TLR8: variants seen among roughly 807,000 people sequenced by gnomAD.
TLR8 encodes the protein toll-like receptor 8.
TLR8 carries 5 observed loss-of-function variants against 18.5 expected under a neutral mutation model. The ratio of observed to expected loss-of-function variants is 0.27; its 90% CI spans 0.14 to 0.57. The LOEUF (loss-of-function observed/expected upper bound fraction) is 0.57. TLR8 is among the 20% of genes least tolerant of loss of function. TLR8 has a pLI of 0.92. For synonymous variants in TLR8, 299 were observed against 300.1 expected, an observed-to-expected ratio of 1.00 and a Z score of 0.04; for missense variants, 543 against 769.8, an observed-to-expected ratio of 0.71 and a Z score of 3.49.
intron 1 of TLR8, among the ~76,000 whole-genome samples, chrX:12,907,341 C>T (rs1569113649): frequency 8.9e-6 from 1 of 112,102 alleles, no homozygotes; most frequent in Non-Finnish European, 1.9e-5. Context: ...GCAGGTGGTC[C>T]GTTTTTGTTA....
chrX:12,919,424 G>A lies in TLR8; in HGVS notation c.384G>A (p.Arg128=), dbSNP rs1398606119. The A allele has an allele frequency of 2.5e-6, 3 of 1,210,873 alleles. No homozygotes were observed. The highest frequency in any genetic ancestry group is 3.5e-5 in the South Asian group (2 of 56,802). ...DGAFLNLKNL[R]ELLLEDNQLP... ...CATTCCTCAACCTAAAAAACCTAAG[G>A]GAGTTACTGCTTGAAGACAACCAGT... is the stretch of plus-strand genomic sequence containing the variant. Residue 128 remains arginine, a synonymous_variant, in exon 2 of 2, where the codon AGG becomes AGA. Transcript: ENST00000218032.
At chrX:12,910,924 AGAG>A (rs1332488601) in intron 1 of TLR8, among the ~76,000 whole-genome samples, 1 of 111,419 alleles carries the variant, frequency 9.0e-6, no homozygotes, top group Non-Finnish European at 1.9e-5. Flanking sequence ...TTTGGCAGGG[AGAG>A]GAGAAGTTGG....
chrX:12,920,400 C>T lies in TLR8; in HGVS notation c.1360C>T (p.Arg454Ter). 8.3e-7 allele frequency: 1 copy of T among 1,208,292 alleles called. No homozygotes were observed. Among genetic ancestry groups the T allele is most frequent in the Non-Finnish European group, 1.1e-6 (1 of 894,001 alleles). The stretch of plus-strand genomic sequence containing the variant: ...CTCTTTTCAACGTCATATCCGGAAA[C>T]GACGCTCAACAGATTTTGAGTTTGA... ...SSSFQRHIRK[R>*]RSTDFEFDPH... Residue 454 changes from arginine (R) to a stop codon, truncating the protein, a stop_gained, in exon 2 of 2, where the codon CGA (arginine) becomes TGA (stop). Coordinates refer to ENST00000218032, the MANE Select transcript of TLR8 (RefSeq NM_138636.5). LOFTEE classifies it low-confidence loss of function (END_TRUNC).
At chrX:12,918,040 T>C (rs1365769929) in intron 1 of TLR8, among the ~76,000 whole-genome samples, 2 of 112,207 alleles carry the variant, frequency 1.8e-5, no homozygotes, top group African/African-American at 6.5e-5. Flanking sequence ...AAAATATAAA[T>C]AATAAGAGGA....
At chrX:12,918,454 G>A (rs940426860) in intron 1 of TLR8, among the ~76,000 whole-genome samples, 4 of 111,852 alleles carry the variant, frequency 3.6e-5, no homozygotes, top group Non-Finnish European at 7.5e-5. Flanking sequence ...TGGTGGTGGA[G>A]TATCTTGATT....
In TLR8 at chrX:12,922,148, T is replaced by C. The variant is rs147025630; in HGVS notation, c.3108T>C (p.Asp1036=). ...CACGGTATAACAATATGTATGTCGATTCCATTAAGCAATACTAACTGACGT... is the reference window on the plus strand; with the variant it reads ...CACGGTATAACAATATGTATGTCGACTCCATTAAGCAATACTAACTGACGT... ...NDSRYNNMYV[D]SIKQY Residue 1036 remains aspartate (D), a synonymous_variant, in exon 2 of 2, where the codon GAT becomes GAC. Coordinates refer to ENST00000218032, the MANE Select transcript of TLR8 (RefSeq NM_138636.5). 312 of 1,200,494 alleles carry C rather than the reference T, an allele frequency of 2.6e-4. 3 individuals are homozygous for C. The African/African-American group carries it at 4.4e-3, about 17-fold the overall frequency.
At chrX:12,910,467 G>A (rs963106484) in intron 1 of TLR8, 1 of 1,162,821 alleles carries the variant, frequency 8.6e-7, no homozygotes, top group Admixed American at 2.6e-5. Flanking sequence ...ATTCCAGGAA[G>A]ACAGCTTTAC....
At chrX:12,908,485 G>T (rs375726850) in intron 1 of TLR8, among the ~76,000 whole-genome samples, 1 of 113,075 alleles carries the variant, frequency 8.8e-6, no homozygotes, top group Non-Finnish European at 1.9e-5. Context: ...AAAGGCAGAG[G>T]TTGTTAGCCT....
intron 1 of TLR8, among the ~76,000 whole-genome samples, chrX:12,914,036 A>G (rs2043038009): frequency 8.9e-6 from 1 of 112,062 alleles, no homozygotes; most frequent in South Asian, 3.7e-4. Context: ...ATTTATACCA[A>G]GTATGTATTA....
At chrX:12,912,580 ACTT>A (rs2043028897) in intron 1 of TLR8, among the ~76,000 whole-genome samples, 1 of 113,489 alleles carries the variant, frequency 8.8e-6, no homozygotes, top group Admixed American at 9.2e-5. Context: ...AGTCTCCCCA[ACTT>A]CTCTGCAAGC....
chrX:12,906,802 A>T lies in TLR8; in HGVS notation c.3+93A>T. 7.6e-6 allele frequency: 6 copies of T among 788,903 alleles called. No individual in the cohort carries two copies. The South Asian group carries it at 2.6e-4, about 34-fold the overall frequency. The allele number at this position is 788,903 out of a possible 1,213,427, so 65.0% of individuals were successfully genotyped here. On this transcript the variant is annotated intron_variant, in intron 1 of 1. Transcript: ENST00000218032. ...GGTTGGTGGCAAATGGTGTGAGCCT[A>T]GAAAGTAATAAATGGGCAAATAAGG... is the stretch of plus-strand genomic sequence containing the variant.
chrX:12,917,649 A>C (rs1296345713), intron 1 of TLR8, among the ~76,000 whole-genome samples: 2 of 112,200 alleles, frequency 1.8e-5, no homozygotes, highest in Non-Finnish European at 3.8e-5. Context: ...TATGGTTACC[A>C]AAAGTGATAT....
chrX:12,913,769 C>T (rs1431890584), intron 1 of TLR8, among the ~76,000 whole-genome samples: 1 of 111,979 alleles, frequency 8.9e-6, no homozygotes, highest in Non-Finnish European at 1.9e-5. Context: ...TACACATTAC[C>T]CTCCATCTTA....
Position 12,919,114 on chromosome X carries a change from G to A in TLR8, c.74G>A (p.Cys25Tyr), listed in dbSNP as rs143939946. ...FLLISGSCEL[C>Y]AEENFSRSYP... ...CTAATATCTGGTTCCTGTGAGTTAT[G>A]CGCCGAAGAAAATTTTTCTAGAAGC... The change falls in exon 2 of 2, where the codon TGC (cysteine) becomes TAC (tyrosine). Residue 25 changes from cysteine to tyrosine, a missense_variant. By Grantham distance (194) the Cys-to-Tyr change is radical (BLOSUM62 -2). Coordinates refer to ENST00000218032, the MANE Select transcript of TLR8 (RefSeq NM_138636.5). The A allele has an allele frequency of 4.5e-5, 55 of 1,209,984 alleles. 1 individual carries two copies. The African/African-American group carries it at 8.4e-4, about 18-fold the overall frequency.
rs749769205 is a variant in TLR8 at position 12,920,337 on chromosome X, T to C, written c.1297T>C (p.Leu433=). Residue 433 remains leucine (L), a synonymous_variant, in exon 2 of 2, where the codon TTG becomes CTG. Coordinates refer to ENST00000218032, the MANE Select transcript of TLR8 (RefSeq NM_138636.5). ...IYLSENRISP[L]VKDTRQSYAN... Reference sequence around the variant, plus strand: ...CTTGTCAGAAAACAGAATATCACCGTTGGTAAAAGATACCCGGCAGAGTTA... The same window carrying C: ...CTTGTCAGAAAACAGAATATCACCGCTGGTAAAAGATACCCGGCAGAGTTA... 1.7e-5 allele frequency: 21 copies of C among 1,209,710 alleles called. No homozygotes were observed. In the South Asian group the frequency reaches 3.5e-4, roughly 20 times the overall value.
In TLR8 at chrX:12,922,176, A is replaced by C. The variant is rs1230134470; in HGVS notation, c.*10A>C. Reference sequence around the variant, plus strand: ...CATTAAGCAATACTAACTGACGTTAAGTCATGATTTCGCGCCATAATAAAG... The same window carrying C: ...CATTAAGCAATACTAACTGACGTTACGTCATGATTTCGCGCCATAATAAAG... On this transcript the variant is annotated 3_prime_UTR_variant, in exon 2 of 2. Transcript: ENST00000218032. 3 of 1,177,057 alleles carry C rather than the reference A, an allele frequency of 2.5e-6. No individual in the cohort carries two copies. Among genetic ancestry groups the C allele is most frequent in the African/African-American group, 3.5e-5 (2 of 56,372 alleles).
chrX:12,922,951 C>T lies in TLR8; in HGVS notation c.*785C>T, dbSNP rs1166471228. ...GGTTATATTATGCTGTGGTTGCGTT[C>T]GGTTTTATTTACAGTTGCTTTTACA... On this transcript the variant is annotated 3_prime_UTR_variant, in exon 2 of 2. Coordinates refer to ENST00000218032, the MANE Select transcript of TLR8 (RefSeq NM_138636.5). The T allele has an allele frequency of 7.1e-5, 8 of 111,992 alleles. No individual in the cohort carries two copies. The East Asian group carries it at 1.7e-3, about 23-fold the overall frequency. 9.2% of individuals were successfully genotyped at this position (111,992 alleles called of 1,213,427 possible). A position where few individuals can be genotyped will look rare whatever the true frequency, so the allele number is the denominator to read the frequency against.
rs781255488 is a variant in TLR8 at position 12,919,676 on chromosome X, T to G, written c.636T>G (p.Ser212=). 18 of 1,209,462 alleles carry G rather than the reference T, an allele frequency of 1.5e-5. No homozygotes were observed. Among genetic ancestry groups the G allele is most frequent in the Non-Finnish European group, 1.9e-5 (17 of 894,997 alleles). ...AGTTGCTATCACTATCTTTCAATTC[T>G]CTTTCACACGTGCCACCCAAACTGC... ...NLELLSLSFN[S]LSHVPPKLPS... Residue 212 remains serine (S), a synonymous_variant, in exon 2 of 2, where the codon TCT becomes TCG. Coordinates refer to ENST00000218032, the MANE Select transcript of TLR8 (RefSeq NM_138636.5).
At chrX:12,917,528 G>A (rs2043063650) in intron 1 of TLR8, among the ~76,000 whole-genome samples, 1 of 112,380 alleles carries the variant, frequency 8.9e-6, no homozygotes, top group Non-Finnish European at 1.9e-5. Context: ...CATGAGTTGG[G>A]CTTTAGTGAA....
Sources: allele counts gnomAD v4.1 joint callset (sites outside exome capture counted in the v4.1 genomes callset), GRCh38; gene constraint gnomAD v4.1.1; transcripts MANE v1.5; gene names NCBI Gene and HGNC (gene_info 2026-07-23, HGNC 2026-07-21).